Variants in LOC400499 observed in about 807,000 individuals in gnomAD.
At chr16:11,459,278 G>A in the LOC400499 span, among the ~76,000 whole-genome samples, 1 of 137,246 alleles carries the variant, frequency 7.3e-6, no homozygotes. Flanking sequence ...CTCACTGCAA[G>A]CTCCGCCTCT....
At chr16:11,379,726 G>A in the LOC400499 span, among the ~76,000 whole-genome samples, 1 of 152,118 alleles carries the variant, frequency 6.6e-6, no homozygotes, top group East Asian at 1.9e-4. Flanking sequence ...CATGGCTTAT[G>A]GTTTGCTTTC....
At chr16:11,442,125 G>A in the LOC400499 span, 1 of 152,214 alleles carries the variant, frequency 6.6e-6, no homozygotes, top group African/African-American at 2.4e-5. Context: ...TTTAAAGGGT[G>A]CTCGGCTTTA....
At chr16:11,405,058 G>C in the LOC400499 span, among the ~76,000 whole-genome samples, 56 of 152,316 alleles carry the variant, frequency 3.7e-4, no homozygotes, top group African/African-American at 1.3e-3. Context: ...TAAAGGAGAG[G>C]AGTAGGTGAG....
the LOC400499 span, chr16:11,487,480 T>C: frequency 7.5e-6 from 3 of 397,394 alleles, no homozygotes; most frequent in Non-Finnish European, 1.3e-5. Flanking sequence ...CAGGGCCAGA[T>C]ACATGGTGTG....
the LOC400499 span, among the ~76,000 whole-genome samples, chr16:11,464,157 G>A: frequency 5.6e-5 from 3 of 53,878 alleles, no homozygotes; most frequent in Admixed American, 4.4e-4. Flanking sequence ...TGATGTGTAT[G>A]TGTATGGACA....
the LOC400499 span, chr16:11,412,700 C>A: frequency 1.8e-5 from 7 of 395,400 alleles, no homozygotes; most frequent in Middle Eastern, 6.2e-4. Context: ...AGTTACTTGG[C>A]CTCTCTGAGC....
At chr16:11,460,012 G>A in the LOC400499 span, 3 of 1,490,684 alleles carry the variant, frequency 2.0e-6, no homozygotes, top group African/African-American at 1.4e-5. Flanking sequence ...ACCTCCAGCT[G>A]TGAGTGCAGG....
chr16:11,431,266 T>C, the LOC400499 span: 1 of 398,920 alleles, frequency 2.5e-6, no homozygotes, highest in African/African-American at 2.1e-5. Flanking sequence ...ATCATGGGCT[T>C]TGTAGTCAGG....
At chr16:11,388,652 A>G in the LOC400499 span, among the ~76,000 whole-genome samples, 2 of 152,152 alleles carry the variant, frequency 1.3e-5, no homozygotes, top group Non-Finnish European at 2.9e-5. Flanking sequence ...AGGGTCTTTT[A>G]AAGTGAAAGG....
At chr16:11,401,078 G>A in the LOC400499 span, among the ~76,000 whole-genome samples, 1 of 152,232 alleles carries the variant, frequency 6.6e-6, no homozygotes, top group African/African-American at 2.4e-5. Flanking sequence ...ATGAGGTATT[G>A]ATAAAGGAAT....
the LOC400499 span, chr16:11,411,431 G>C: frequency 2.5e-6 from 1 of 398,108 alleles, no homozygotes; most frequent in East Asian, 3.6e-5. Context: ...GAGAGAGTCA[G>C]AGAGCCAGGA....
At chr16:11,423,814 G>A in the LOC400499 span, among the ~76,000 whole-genome samples, 1 of 152,226 alleles carries the variant, frequency 6.6e-6, no homozygotes, top group Non-Finnish European at 1.5e-5. Flanking sequence ...CTACCAGACA[G>A]GGCCTGGTGC....
the LOC400499 span, chr16:11,384,842 A>G: frequency 8.1e-7 from 1 of 1,231,180 alleles, no homozygotes; most frequent in Non-Finnish European, 1.0e-6. Flanking sequence ...TGCATCCCAA[A>G]GAGTCCGCTG....
the LOC400499 span, chr16:11,391,841 C>G: frequency 1.6e-6 from 2 of 1,231,908 alleles, no homozygotes; most frequent in Admixed American, 8.4e-5. Flanking sequence ...CCACGCCGTC[C>G]AGGGTGCCTG....
At chr16:11,426,428 G>T in the LOC400499 span, among the ~76,000 whole-genome samples, 2 of 152,152 alleles carry the variant, frequency 1.3e-5, no homozygotes, top group East Asian at 3.9e-4. Flanking sequence ...GGGAGACAGG[G>T]CAAGACTCTG....
the LOC400499 span, chr16:11,469,601 G>C: frequency 2.5e-6 from 1 of 399,066 alleles, no homozygotes; most frequent in Non-Finnish European, 4.4e-6. Flanking sequence ...ACGTCCCTCA[G>C]CACTTCTGAC....
At chr16:11,474,759 C>T in the LOC400499 span, among the ~76,000 whole-genome samples, 1 of 151,696 alleles carries the variant, frequency 6.6e-6, no homozygotes, top group Non-Finnish European at 1.5e-5. Flanking sequence ...GTCCCAGCTA[C>T]TCAGGAGGCT....
the LOC400499 span, chr16:11,461,145 G>A: frequency 2.0e-6 from 3 of 1,522,688 alleles, no homozygotes; most frequent in Non-Finnish European, 2.6e-6. Context: ...GCAGGCAGAT[G>A]AGAGGGTCAG....
At chr16:11,457,017 C>G in the LOC400499 span, 8 of 1,532,868 alleles carry the variant, frequency 5.2e-6, no homozygotes, top group Non-Finnish European at 6.1e-6. Context: ...ATCCACCTGC[C>G]TCTCAGGCAC....
Sources: allele counts gnomAD v4.1 joint callset (sites outside exome capture counted in the v4.1 genomes callset), GRCh38; gene constraint gnomAD v4.1.1; transcripts MANE v1.5.